The following CLMN variants were observed in gnomAD, a reference collection of about 807,000 sequenced individuals.
The protein encoded by CLMN is calmin.
A neutral mutation model predicts 92.7 loss-of-function variants in CLMN; 57 were observed. The ratio of observed to expected loss-of-function variants is 0.61; its 90% confidence interval spans 0.50 to 0.77. The LOEUF (loss-of-function observed/expected upper bound fraction) is 0.77, where lower values mean the gene tolerates loss of function less well. Among genes scored for constraint, CLMN ranks in the 30% least tolerant of loss-of-function variants. The probability of loss-of-function intolerance (pLI) is 0.00; values close to 1 mark genes in which losing one functional copy is unlikely to be tolerated. For synonymous variants in CLMN, 466 were observed against 470.6 expected (o/e 0.99, Z 0.13); for missense variants, 1,158 against 1,237.5 (o/e 0.94, Z 0.96).
chr14:95,210,562 G>A, intron 7 of CLMN, 124 bp downstream of exon 7: 1 of 920,004 alleles, frequency 1.1e-6, no homozygotes, highest in Non-Finnish European at 1.6e-6. Flanking sequence ...CTGAGTGGTA[G>A]AAATATAGGA....
At chr14:95,317,097 G>A (rs115100743) in intron 1 of CLMN, among the ~76,000 whole-genome samples, 185 of 152,278 alleles carry the variant, frequency 1.2e-3, no homozygotes, top group African/African-American at 4.4e-3. Flanking sequence ...CCCTGCTGGT[G>A]GCCCCCAAAG....
intron 1 of CLMN, among the ~76,000 whole-genome samples, chr14:95,244,746 G>T (rs1057177294): frequency 6.6e-6 from 1 of 152,070 alleles, no homozygotes; most frequent in African/African-American, 2.4e-5. Context: ...GTGCATCTAT[G>T]CAGGAGATGA....
chr14:95,312,786 C>T (rs950101865), intron 1 of CLMN, among the ~76,000 whole-genome samples: 5 of 152,156 alleles, frequency 3.3e-5, no homozygotes, highest in Non-Finnish European at 2.9e-5. Flanking sequence ...AAGATAACAC[C>T]TTAGTTCTGG....
chr14:95,282,340 A>C (rs998714355), intron 1 of CLMN, among the ~76,000 whole-genome samples: 1 of 152,176 alleles, frequency 6.6e-6, no homozygotes, highest in Non-Finnish European at 1.5e-5. Context: ...GGATATTGGA[A>C]AGAGAAGCAA....
intron 1 of CLMN, among the ~76,000 whole-genome samples, chr14:95,298,972 G>A (rs1900925420): frequency 6.6e-6 from 1 of 152,172 alleles, no homozygotes. Context: ...GTACCCCACA[G>A]AAAGCCACTT....
Position 95,281,729 on chromosome 14 carries a change from T to C in CLMN, c.82+37982A>G, listed in dbSNP as rs532771468. Among the ~76,000 whole-genome samples the C allele has an allele frequency of 1.9e-3, 283 of 152,350 alleles. 3 individuals are homozygous for C. Among genetic ancestry groups the C allele is most frequent in the East Asian group, 9.6e-4 (5 of 5,190 alleles). On this transcript the variant is annotated intron_variant, in intron 1 of 12. Transcript: ENST00000298912. Reference sequence around the variant, plus strand: ...TTTAGTCACTTGGGGTAATATTACTTATTTTGCTTTACTGTTGTGGAATAT... The same window carrying C: ...TTTAGTCACTTGGGGTAATATTACTCATTTTGCTTTACTGTTGTGGAATAT...
intron 2 of CLMN, 113 bp downstream of exon 2, chr14:95,229,959 A>G: frequency 2.0e-6 from 2 of 1,009,306 alleles, no homozygotes; most frequent in Non-Finnish European, 3.1e-6. Context: ...AAATGTTTAA[A>G]TGAATGAACA....
At chr14:95,243,511 T>C (rs2140659482) in intron 1 of CLMN, among the ~76,000 whole-genome samples, 1 of 152,296 alleles carries the variant, frequency 6.6e-6, no homozygotes, top group South Asian at 2.1e-4. Context: ...ACAACTGACC[T>C]TTTCAAATCC....
At chr14:95,311,073 C>T (rs150691726) in intron 1 of CLMN, among the ~76,000 whole-genome samples, 6 of 152,168 alleles carry the variant, frequency 3.9e-5, no homozygotes, top group Non-Finnish European at 8.8e-5. Flanking sequence ...AGGAGGCAAA[C>T]GTGGGAAGGC....
chr14:95,276,365 T>C (rs528143751), intron 1 of CLMN, among the ~76,000 whole-genome samples: 1 of 152,350 alleles, frequency 6.6e-6, no homozygotes, highest in African/African-American at 2.4e-5. Context: ...TTTGGATTAA[T>C]CTGCCTTTGC....
chr14:95,240,297 G>A (rs975710408), intron 1 of CLMN, among the ~76,000 whole-genome samples: 1 of 152,128 alleles, frequency 6.6e-6, no homozygotes, highest in African/African-American at 2.4e-5. Flanking sequence ...CTCCTTTCTG[G>A]CACACAGCGG....
At chr14:95,195,812 GAGA>G (rs765835165) in intron 10 of CLMN, among the ~76,000 whole-genome samples, 3 of 56,608 alleles carry the variant, frequency 5.3e-5, no homozygotes, top group Admixed American at 1.5e-4. Flanking sequence ...GTGACGATGA[GAGA>G]GGGGAGAGAC....
intron 1 of CLMN, 81 bp from the exon 2 acceptor site, chr14:95,230,214 C>T: frequency 1.5e-6 from 2 of 1,311,394 alleles, no homozygotes; most frequent in Non-Finnish European, 2.2e-6. Flanking sequence ...AGGGGAGATT[C>T]TAGGTGGAGG....
intron 1 of CLMN, among the ~76,000 whole-genome samples, chr14:95,279,511 C>T (rs901504467): frequency 5.9e-5 from 9 of 152,314 alleles, no homozygotes; most frequent in East Asian, 3.9e-4. Context: ...CTGGCCAGGG[C>T]GGTGGCTCAC....
chr14:95,204,148 G>A lies in CLMN; in HGVS notation c.1201C>T (p.Pro401Ser). The A allele has an allele frequency of 6.2e-7, 1 of 1,614,146 alleles. No homozygotes were observed. Among genetic ancestry groups the A allele is most frequent in the Middle Eastern group, 1.6e-4 (1 of 6,062 alleles). The change falls in exon 9 of 13, where the codon CCA becomes TCA. Residue 401 changes from proline to serine, a missense_variant. Transcript: ENST00000298912. ...GATAAAATGGAGGATTCTGGAGATG[G>A]CTCACTGATGTCGCTGGTCTTACCT... ...GPGKTSDISEPSPESSILSSR... is the reference protein window; with the variant it reads ...GPGKTSDISESSPESSILSSR...
intron 1 of CLMN, among the ~76,000 whole-genome samples, chr14:95,243,871 T>C (rs1898355701): frequency 6.6e-6 from 1 of 152,180 alleles, no homozygotes; most frequent in Non-Finnish European, 1.5e-5. Context: ...TCATGTCAAA[T>C]TGTGATCCCT....
intron 1 of CLMN, among the ~76,000 whole-genome samples, chr14:95,283,075 C>A (rs1900200188): frequency 6.6e-6 from 1 of 152,226 alleles, no homozygotes; most frequent in Non-Finnish European, 1.5e-5. Flanking sequence ...CCATCCAAAT[C>A]TCAACTTGAA....
intron 1 of CLMN, among the ~76,000 whole-genome samples, chr14:95,309,188 G>A (rs2140793886): frequency 6.6e-6 from 1 of 152,288 alleles, no homozygotes; most frequent in South Asian, 2.1e-4. Context: ...TGCATGTCTA[G>A]CCTGGGACTT....
rs141934176 is a variant in CLMN, at chr14:95,230,537, G to A, written c.83-404C>T. Among the ~76,000 whole-genome samples the A allele has an allele frequency of 1.4e-3, 219 of 152,310 alleles. 1 individual carries two copies. The highest frequency in any genetic ancestry group is 4.6e-3 in the African/African-American group (193 of 41,570). ...GAGATGGGAGAGGGCAGTCAGGGTC[G>A]GGGTGGAGTGGAGCCGATAATTAGG... On this transcript the variant is annotated intron_variant, in intron 1 of 12. Coordinates refer to ENST00000298912, the MANE Select transcript of CLMN (RefSeq NM_024734.4).
Sources: gnomAD v4.1 joint callset for allele counts (sites outside exome capture counted in the v4.1 genomes callset) on GRCh38, gnomAD v4.1.1 for gene constraint, MANE v1.5 for transcripts, NCBI Gene and HGNC (gene_info 2026-07-23, HGNC 2026-07-21) for gene names.